KIAA1549: variants seen among roughly 807,000 people sequenced by gnomAD.
KIAA1549 encodes the protein KIAA1549.
In KIAA1549, 70 loss-of-function variants were observed where a neutral mutation model predicts 156.4. The observed-to-expected ratio is 0.45, with a 90% CI of 0.37 to 0.55. The LOEUF is 0.55. Ranked by LOEUF, KIAA1549 falls within the 20% of genes least tolerant of loss-of-function variation. The probability of loss-of-function intolerance (pLI) is 0.00; values close to 1 mark genes in which losing one functional copy is unlikely to be tolerated. For missense variants in KIAA1549, 2,428 were observed against 2,540.9 expected (o/e 0.96, Z 0.96); for synonymous variants, 1,103 against 1,066.4 (o/e 1.03, Z -0.67).
Position 138,903,792 on chromosome 7 carries a change from AGTGTGTGT to A in KIAA1549, c.3521-64_3521-57del, listed in dbSNP as rs55745123. 11,716 of 1,191,940 alleles carry A rather than the reference AGTGTGTGT, an allele frequency of 9.8e-3. 222 individuals are homozygous for A. Among genetic ancestry groups the A allele is most frequent in the East Asian group, 0.03 (715 of 23,568 alleles). The allele number at this position is 1,191,940 out of a possible 1,614,324, so 73.8% of individuals were successfully genotyped here. ...CAAAACAAGTCAGCAGTAAAAAAAC[AGTGTGTGT>A]GTGTGTGTGTGTGTGTGTGTGTGTG... is the stretch of plus-strand genomic sequence containing the variant. On this transcript the variant is annotated intron_variant, in intron 7 of 19. Coordinates refer to ENST00000422774, the MANE Select transcript of KIAA1549 (RefSeq NM_001164665.2).
intron 2 of KIAA1549, among the ~76,000 whole-genome samples, chr7:138,915,541 G>A (rs1020446037): frequency 2.6e-5 from 4 of 151,498 alleles, no homozygotes; most frequent in African/African-American, 7.3e-5. Context: ...CAGGATCCTC[G>A]CTCCCACCTG....
At chr7:138,961,441 T>C (rs909570285) in intron 1 of KIAA1549, among the ~76,000 whole-genome samples, 5 of 152,076 alleles carry the variant, frequency 3.3e-5, no homozygotes, top group East Asian at 1.9e-4. Context: ...ATCGGCCCCA[T>C]GATGCGCTTT....
intron 9 of KIAA1549, among the ~76,000 whole-genome samples, chr7:138,896,412 G>A (rs1256740711): frequency 1.3e-5 from 2 of 152,220 alleles, no homozygotes; most frequent in African/African-American, 2.4e-5. Context: ...AGCACAGGCT[G>A]CATGGGATGT....
At chr7:138,920,380 G>A (rs892965487) in intron 1 of KIAA1549, among the ~76,000 whole-genome samples, 10 of 152,084 alleles carry the variant, frequency 6.6e-5, no homozygotes, top group African/African-American at 1.9e-4. Flanking sequence ...CTAGATTCTG[G>A]GCTTCCTAAG....
chr7:138,843,942 C>T (rs1809994093), intron 18 of KIAA1549, among the ~76,000 whole-genome samples: 1 of 152,184 alleles, frequency 6.6e-6, no homozygotes, highest in African/African-American at 2.4e-5. Context: ...TGCTCTGTCA[C>T]CCAGACTTTG....
In KIAA1549 at chr7:138,911,045, C is replaced by A. The variant is rs1320354549; in HGVS notation, c.3145+101G>T. 12 of 939,772 alleles carry A rather than the reference C, an allele frequency of 1.3e-5. 1 individual carries two copies. The highest frequency in any genetic ancestry group is 3.4e-5 in the African/African-American group (2 of 59,010). 58.2% of individuals were successfully genotyped at this position (939,772 alleles called of 1,614,324 possible). ...AGATCCTGTCTCTAAAAATCATCAT[C>A]ATAATAATAAATTCTAAAAATGATT... On this transcript the variant is annotated intron_variant, in intron 4 of 19. Transcript: ENST00000422774.
rs1210062050 is a variant in KIAA1549, at chr7:138,834,598, C to T, written c.*3308G>A. ...TTTGGTGCCAGAGACACCAGAAAGT[C>T]GGGAGCAGAAAGATGCTTAATAAAT... On this transcript the variant is annotated 3_prime_UTR_variant, in exon 20 of 20. Coordinates refer to ENST00000422774, the MANE Select transcript of KIAA1549 (RefSeq NM_001164665.2). 2 of 231,344 alleles carry T rather than the reference C, an allele frequency of 8.6e-6. No individual in the cohort carries two copies. Among genetic ancestry groups the T allele is most frequent in the African/African-American group, 4.4e-5 (2 of 45,224 alleles). 14.3% of individuals were successfully genotyped at this position (231,344 alleles called of 1,614,324 possible).
rs190501372 is a variant in KIAA1549 at position 138,911,992 on chromosome 7, C to G, written c.2967+380G>C. ...TCTCCATCTCTATCCTACCAAATGT[C>G]CAGAAAGATGCACCTGTACTCACTC... On this transcript the variant is annotated intron_variant, in intron 3 of 19. Transcript: ENST00000422774. 9.7e-4 allele frequency among the ~76,000 whole-genome samples: 147 copies of G among 152,280 alleles called. 1 individual carries two copies. The highest frequency in any genetic ancestry group is 3.3e-3 in the African/African-American group (139 of 41,560).
intron 2 of KIAA1549, among the ~76,000 whole-genome samples, chr7:138,912,858 A>T (rs953215489): frequency 6.6e-6 from 1 of 152,184 alleles, no homozygotes; most frequent in African/African-American, 2.4e-5. Flanking sequence ...ATGAGGCTTT[A>T]AAAGCTCTCA....
intron 15 of KIAA1549, among the ~76,000 whole-genome samples, chr7:138,866,855 T>A (rs944949778): frequency 6.6e-6 from 1 of 152,192 alleles, no homozygotes; most frequent in African/African-American, 2.4e-5. Flanking sequence ...CAGGCTGGAG[T>A]GCAGTGGTGC....
At position 138,967,466 on chromosome 7, in the gene KIAA1549, G is replaced by A. The variant is rs564686743; in HGVS notation, c.187+13617C>T. ...GAGGGAACAGCAAGTACAAATGATT[G>A]CAATGAATGCATATCGTTTTTATAA... On this transcript the variant is annotated intron_variant, in intron 1 of 19. Coordinates refer to ENST00000422774, the MANE Select transcript of KIAA1549 (RefSeq NM_001164665.2). Among the ~76,000 whole-genome samples, 88 of 152,284 alleles carry A rather than the reference G, an allele frequency of 5.8e-4. 1 individual carries two copies. The highest frequency in any genetic ancestry group is 2.1e-3 in the African/African-American group (87 of 41,544).
chr7:138,926,705 T>G (rs1285204063), intron 1 of KIAA1549, among the ~76,000 whole-genome samples: 1 of 152,222 alleles, frequency 6.6e-6, no homozygotes, highest in Non-Finnish European at 1.5e-5. Flanking sequence ...AAAAAGTGTC[T>G]TCCCCTTGTT....
chr7:138,864,276 G>T (rs1280332017), intron 15 of KIAA1549, among the ~76,000 whole-genome samples: 1 of 152,174 alleles, frequency 6.6e-6, no homozygotes, highest in African/African-American at 2.4e-5. Flanking sequence ...TATAACCACT[G>T]CCAATCTCAT....
intron 1 of KIAA1549, among the ~76,000 whole-genome samples, chr7:138,968,437 C>T (rs748051344): frequency 1.8e-4 from 27 of 152,130 alleles, no homozygotes; most frequent in Non-Finnish European, 3.8e-4. Context: ...TATTTAAAGG[C>T]AATTCATTGC....
Position 138,851,581 on chromosome 7 carries a change from T to C in KIAA1549, c.5294+642A>G, listed in dbSNP as rs370243222. Among the ~76,000 whole-genome samples the C allele has an allele frequency of 1.5e-3, 231 of 150,078 alleles. 3 individuals are homozygous for C. Among genetic ancestry groups the C allele is most frequent in the African/African-American group, 5.4e-3 (221 of 40,820 alleles). ...CTGGGGGTGGGTGTGGGGGTGTGTG[T>C]GGAAGGGGGGCTACTGTAGCAATAA... On this transcript the variant is annotated intron_variant, in intron 17 of 19. Transcript: ENST00000422774.
intron 1 of KIAA1549, among the ~76,000 whole-genome samples, chr7:138,957,346 G>T: frequency 6.6e-6 from 1 of 152,170 alleles, no homozygotes; most frequent in East Asian, 1.9e-4. Flanking sequence ...GCAAGGAACT[G>T]AGCCGAGGGC....
At position 138,840,153 on chromosome 7, in the gene KIAA1549, C is replaced by T. The variant is rs373881826; in HGVS notation, c.5578G>A (p.Glu1860Lys). 31 of 1,553,000 alleles carry T rather than the reference C, an allele frequency of 2.0e-5. 1 individual carries two copies. Among genetic ancestry groups the T allele is most frequent in the South Asian group, 1.5e-4 (13 of 83,988 alleles). ...CTCACGGCCTCTCTTCGCCCCGCTT[C>T]GTCCTCCCCGTACGAAGGCCAGCCT... is the stretch of plus-strand genomic sequence containing the variant. ...GPGWPSYGED[E>K]AGRREATHML... Residue 1860 changes from glutamate (E) to lysine (K), a missense_variant, in exon 19 of 20, where the codon GAA becomes AAA. Coordinates refer to ENST00000422774, the MANE Select transcript of KIAA1549 (RefSeq NM_001164665.2).
At chr7:138,855,347 A>C (rs1029235624) in intron 16 of KIAA1549, among the ~76,000 whole-genome samples, 1 of 152,008 alleles carries the variant, frequency 6.6e-6, no homozygotes, top group Non-Finnish European at 1.5e-5. Context: ...AGTGAACCAC[A>C]TTTTACCTAT....
At chr7:138,970,747 C>T (rs1814194930) in intron 1 of KIAA1549, among the ~76,000 whole-genome samples, 1 of 152,232 alleles carries the variant, frequency 6.6e-6, no homozygotes, top group African/African-American at 2.4e-5. Flanking sequence ...AGACCTGTCT[C>T]CTGGGCTTTG....
Sources: gnomAD v4.1 joint callset for allele counts (sites outside exome capture counted in the v4.1 genomes callset) on GRCh38, gnomAD v4.1.1 for gene constraint, MANE v1.5 for transcripts, NCBI Gene and HGNC (gene_info 2026-07-23, HGNC 2026-07-21) for gene names.